EXTL1: variants seen among roughly 807,000 people sequenced by gnomAD.
EXTL1 encodes the protein exostosin like glycosyltransferase 1.
In EXTL1, 43 loss-of-function variants were observed where a neutral mutation model predicts 64.6. The ratio of observed to expected loss-of-function variants is 0.67; its 90% CI spans 0.52 to 0.86. The LOEUF (loss-of-function observed/expected upper bound fraction) is 0.86, where lower values mean the gene tolerates loss of function less well. EXTL1 is among the 40% of genes least tolerant of loss of function. The probability of loss-of-function intolerance (pLI) is 0.00; values close to 1 mark genes in which losing one functional copy is unlikely to be tolerated. For missense variants in EXTL1, 766 were observed against 879.0 expected, an observed-to-expected ratio of 0.87 and a Z score of 1.62; for synonymous variants, 352 against 360.5, an observed-to-expected ratio of 0.98 and a Z score of 0.27.
intron 3 of EXTL1, 124 bp from the exon 4 acceptor site, chr1:26,030,352 A>C: frequency 3.6e-6 from 1 of 277,574 alleles, no homozygotes. Context: ...TTTTTTTTTG[A>C]GATAGGATCT....
chr1:26,024,185 G>C (rs1352689706), intron 1 of EXTL1, among the ~76,000 whole-genome samples: 7 of 152,164 alleles, frequency 4.6e-5, no homozygotes, highest in African/African-American at 1.7e-4. Context: ...GGGCTAGTTG[G>C]GGGTGATGCG....
intron 3 of EXTL1, among the ~76,000 whole-genome samples, 183 bp downstream of exon 3, chr1:26,029,890 C>A (rs147735869): frequency 7.2e-4 from 109 of 152,316 alleles, no homozygotes; most frequent in African/African-American, 2.6e-3. Flanking sequence ...GCTAGAGATT[C>A]CTAAGGGTTC....
At chr1:26,031,328 A>G in intron 5 of EXTL1, 64 bp downstream of exon 5, 2 of 1,572,280 alleles carry the variant, frequency 1.3e-6, no homozygotes, top group South Asian at 1.1e-5. Context: ...CCCCAGCCTC[A>G]TCTGGAGAGC....
intron 4 of EXTL1, 136 bp from the exon 5 acceptor site, chr1:26,030,996 T>C (rs1341589281): frequency 1.0e-5 from 10 of 990,094 alleles, no homozygotes; most frequent in Non-Finnish European, 1.4e-5. Context: ...CATCATGGAG[T>C]GCCCCCTACT....
intron 4 of EXTL1, 44 bp from the exon 5 acceptor site, chr1:26,031,088 G>T: frequency 6.2e-7 from 1 of 1,613,122 alleles, no homozygotes. Flanking sequence ...TGTGGCCATG[G>T]TCACACAGGC....
intron 3 of EXTL1, 112 bp from the exon 4 acceptor site, chr1:26,030,364 G>C: frequency 2.0e-6 from 1 of 500,212 alleles, no homozygotes. Context: ...ATAGGATCTT[G>C]CTCTGTTGCT....
Position 26,036,393 on chromosome 1 carries a change from C to G in EXTL1, c.*1046C>G, listed in dbSNP as rs188962150. 1 of 152,208 alleles carries G rather than the reference C, an allele frequency of 6.6e-6. No individual in the cohort carries two copies. 9.4% of individuals were successfully genotyped at this position (152,208 alleles called of 1,614,324 possible). On this transcript the variant is annotated 3_prime_UTR_variant, in exon 11 of 11. Coordinates refer to ENST00000374280, the MANE Select transcript of EXTL1 (RefSeq NM_004455.3). This position sits in a 1 kb window ranked among gnomAD's most constrained non-coding sequence, Gnocchi z 5.2. ...GGACACTAGGTCCTCCGGGGTTCAC[C>G]CACCTGGAGCTGGAATTATCACTTC...
Position 26,036,422 on chromosome 1 carries a change from A to T in EXTL1, c.*1075A>T, listed in dbSNP as rs2050341772. The stretch of plus-strand genomic sequence containing the variant: ...CTGGAGCTGGAATTATCACTTCCGA[A>T]ATAAAGCGCGTGTCCTTGCCCCCTC... On this transcript the variant is annotated 3_prime_UTR_variant, in exon 11 of 11. Coordinates refer to ENST00000374280, the MANE Select transcript of EXTL1 (RefSeq NM_004455.3). The surrounding 1 kb of genome is among the most constrained non-coding windows in gnomAD (Gnocchi z 5.2). The T allele has an allele frequency of 1.3e-5, 2 of 152,224 alleles. No individual in the cohort carries two copies. The highest frequency in any genetic ancestry group is 1.3e-4 in the Admixed American group (2 of 15,268). 9.4% of individuals were successfully genotyped at this position (152,224 alleles called of 1,614,324 possible).
intron 1 of EXTL1, among the ~76,000 whole-genome samples, chr1:26,028,586 T>G (rs2050243205): frequency 6.6e-6 from 1 of 152,008 alleles, no homozygotes; most frequent in African/African-American, 2.4e-5. Flanking sequence ...ACACACAGCC[T>G]GAGTGTGGCC....
In EXTL1 at chr1:26,033,692, C is replaced by G. The variant is rs1312248814; in HGVS notation, c.1519-4C>G. ...CCTCACAGCTCACTTGAGTCCCTCC[C>G]CAGGTGGACTTTGCCTTTCTGGTGT... On this transcript the variant is annotated splice_region_variant and splice_polypyrimidine_tract_variant and intron_variant, in intron 8 of 10. Coordinates refer to ENST00000374280, the MANE Select transcript of EXTL1 (RefSeq NM_004455.3). This position sits in a 1 kb window ranked among gnomAD's most constrained non-coding sequence, Gnocchi z 5.1. The G allele has an allele frequency of 1.9e-6, 3 of 1,613,462 alleles. No homozygotes were observed. Among genetic ancestry groups the G allele is most frequent in the Non-Finnish European group, 2.5e-6 (3 of 1,179,694 alleles).
Position 26,023,108 on chromosome 1 carries a change from C to T in EXTL1, c.462C>T (p.Asn154=). 1 of 1,613,844 alleles carries T rather than the reference C, an allele frequency of 6.2e-7. No individual in the cohort carries two copies. Among genetic ancestry groups the T allele is most frequent in the Non-Finnish European group, 8.5e-7 (1 of 1,179,904 alleles). The change falls in exon 1 of 11, where the codon AAC becomes AAT. Residue 154 remains asparagine (N), a synonymous_variant. Transcript: ENST00000374280. ...GECSSMPLQW[N]RGRNHLVLRL... ...GCAGCTCAATGCCTCTGCAATGGAACAGGGGCAGGAACCATCTGGTCCTCC... is the reference window on the plus strand; with the variant it reads ...GCAGCTCAATGCCTCTGCAATGGAATAGGGGCAGGAACCATCTGGTCCTCC...
At position 26,032,463 on chromosome 1, in the gene EXTL1, C is replaced by T. The variant is rs1404291319; in HGVS notation, c.1409C>T (p.Thr470Ile). ...SRWPETAVPL[T>I]VIDGHRKVSD... Reference sequence around the variant, plus strand: ...TGGCCGGAGACAGCTGTGCCCTTGACAGTCATTGATGGGCACAGGAAGGTA... The same window carrying T: ...TGGCCGGAGACAGCTGTGCCCTTGATAGTCATTGATGGGCACAGGAAGGTA... Residue 470 changes from threonine to isoleucine, a missense_variant, in exon 7 of 11, where the codon ACA becomes ATA. Physicochemically the swap from Thr to Ile is moderately conservative, Grantham distance 89 (BLOSUM62 -1). Around this residue, in one of 3 missense-constraint regions of EXTL1, gnomAD observed 571 missense variants for 647.6 expected, o/e 0.88. Transcript: ENST00000374280. The T allele has an allele frequency of 4.5e-6, 7 of 1,552,474 alleles. No homozygotes were observed. Among genetic ancestry groups the T allele is most frequent in the Non-Finnish European group, 6.1e-6 (7 of 1,147,452 alleles).
rs1411215002 is a variant in EXTL1, at chr1:26,027,673, A to G, written c.780-1520A>G. On this transcript the variant is annotated intron_variant, in intron 1 of 10. Transcript: ENST00000374280. The stretch of plus-strand genomic sequence containing the variant: ...GAGTTTGAGACAGCCTGGGCAACAC[A>G]GAGAGACCCCATCTCTAAAAAAAAA... Among the ~76,000 whole-genome samples the G allele has an allele frequency of 3.3e-5, 5 of 150,402 alleles. No homozygotes were observed. In the East Asian group the frequency reaches 9.8e-4, roughly 29 times the overall value.
At chr1:26,030,674 C>T (rs2050273144) in intron 4 of EXTL1, 79 bp downstream of exon 4, 2 of 1,468,926 alleles carry the variant, frequency 1.4e-6, no homozygotes, top group Non-Finnish European at 1.8e-6. Flanking sequence ...TTCTCTGCCA[C>T]AGTGTTTGGG....
Position 26,033,453 on chromosome 1 carries a change from G to A in EXTL1, c.1518+138G>A, listed in dbSNP as rs753300911. Reference sequence around the variant, plus strand: ...CTTGCATTTGAAACCACCCCAGCAAGCCAGGCAGCCTCCTCTTTAGGAGTC... The same window carrying A: ...CTTGCATTTGAAACCACCCCAGCAAACCAGGCAGCCTCCTCTTTAGGAGTC... On this transcript the variant is annotated intron_variant, in intron 8 of 10. Coordinates refer to ENST00000374280, the MANE Select transcript of EXTL1 (RefSeq NM_004455.3). The surrounding 1 kb of genome is among the most constrained non-coding windows in gnomAD (Gnocchi z 5.1). 1.2e-5 allele frequency: 9 copies of A among 781,680 alleles called. No homozygotes were observed. The highest frequency in any genetic ancestry group is 1.7e-5 in the African/African-American group (1 of 57,870). 48.4% of individuals were successfully genotyped at this position (781,680 alleles called of 1,614,324 possible). A position where few individuals can be genotyped will look rare whatever the true frequency, so the allele number is the denominator to read the frequency against.
At chr1:26,032,568 T>C (rs1021051869) in intron 7 of EXTL1, 83 bp downstream of exon 7, 9 of 1,055,242 alleles carry the variant, frequency 8.5e-6, no homozygotes, top group East Asian at 2.6e-5. Flanking sequence ...TTATGAATAC[T>C]TGGGCCTGAG....
chr1:26,033,909 C>A lies in EXTL1; in HGVS notation c.1679+53C>A. 2.6e-6 allele frequency: 4 copies of A among 1,526,840 alleles called. No individual in the cohort carries two copies. Among genetic ancestry groups the A allele is most frequent in the Non-Finnish European group, 3.5e-6 (4 of 1,128,594 alleles). The allele number at this position is 1,526,840 out of a possible 1,614,324, so 94.6% of individuals were successfully genotyped here. On this transcript the variant is annotated intron_variant, in intron 9 of 10. Transcript: ENST00000374280. The surrounding 1 kb of genome is among the most constrained non-coding windows in gnomAD (Gnocchi z 5.1). ...CAGAGTATCAGAGGACCAGAGACCC[C>A]ACCCCCACCCCGAACGGAGCAGAGT...
In EXTL1 at chr1:26,022,553, C is replaced by T. The variant is rs1207588035; in HGVS notation, c.-94C>T. 8 of 997,740 alleles carry T rather than the reference C, an allele frequency of 8.0e-6. No individual in the cohort carries two copies. Among genetic ancestry groups the T allele is most frequent in the African/African-American group, 1.6e-5 (1 of 61,592 alleles). 61.8% of individuals were successfully genotyped at this position (997,740 alleles called of 1,614,324 possible). Reference sequence around the variant, plus strand: ...CAATGACAGCACAGGACTAGCAGGTCGGTCCCAGCTCTGGTCTCCCGCCCC... The same window carrying T: ...CAATGACAGCACAGGACTAGCAGGTTGGTCCCAGCTCTGGTCTCCCGCCCC... On this transcript the variant is annotated 5_prime_UTR_variant, in exon 1 of 11. Transcript: ENST00000374280.
chr1:26,029,541 C>CG (rs1004346232), intron 2 of EXTL1, 59 bp from the exon 3 acceptor site: 16 of 1,020,456 alleles, frequency 1.6e-5, no homozygotes, highest in Non-Finnish European at 1.6e-5. Flanking sequence ...TGGAACTGGG[C>CG]GGGGGGTGAG....
Sources: gnomAD v4.1 joint callset for allele counts (sites outside exome capture counted in the v4.1 genomes callset) on GRCh38, gnomAD v4.1.1 for gene constraint, gnomAD v4.1.1 regional missense constraint, Gnocchi (gnomAD v3.1) non-coding constraint, MANE v1.5 for transcripts, NCBI Gene and HGNC (gene_info 2026-07-23, HGNC 2026-07-21) for gene names.